Variants in L2HGDH observed in about 807,000 individuals in gnomAD.
L2HGDH encodes the protein L-2-hydroxyglutarate dehydrogenase, mitochondrial.
Under a neutral mutation model 51.5 loss-of-function variants are expected in L2HGDH, and 34 were observed. The ratio of observed to expected loss-of-function variants is 0.66; its 90% CI spans 0.50 to 0.88. L2HGDH has a LOEUF of 0.88. L2HGDH is among the 40% of genes least tolerant of loss of function. The probability of loss-of-function intolerance (pLI) is 0.00; values close to 1 mark genes in which losing one functional copy is unlikely to be tolerated. For synonymous variants in L2HGDH, 198 were observed against 197.9 expected (o/e 1.00, Z -0.01); for missense variants, 558 against 571.9 (o/e 0.98, Z 0.25).
intron 4 of L2HGDH, among the ~76,000 whole-genome samples, chr14:50,287,854 C>A (rs904305494): frequency 6.6e-6 from 1 of 151,748 alleles, no homozygotes; most frequent in African/African-American, 2.4e-5. Context: ...CCCAAAAACA[C>A]GCCTGGCTAT....
intron 1 of L2HGDH, chr14:50,311,410 C>G (rs1271678043): frequency 2.2e-6 from 1 of 456,084 alleles, no homozygotes; most frequent in Admixed American, 2.3e-5. Flanking sequence ...CCAAGCCTTA[C>G]AGCCTTCACA....
rs916712517 is a variant in L2HGDH at position 50,298,385 on chromosome 14, A to G, written c.408+3632T>C. Among the ~76,000 whole-genome samples, 5 of 151,314 alleles carry G rather than the reference A, an allele frequency of 3.3e-5. No individual in the cohort carries two copies. The East Asian group carries it at 9.9e-4, about 30-fold the overall frequency. On this transcript the variant is annotated intron_variant, in intron 3 of 9. Coordinates refer to ENST00000267436, the MANE Select transcript of L2HGDH (RefSeq NM_024884.3). ...GGCTGGAGTGCAATGGCGCGATCTCAGCTCACTACAACCTCTGCCTCCCAG... is the reference window on the plus strand; with the variant it reads ...GGCTGGAGTGCAATGGCGCGATCTCGGCTCACTACAACCTCTGCCTCCCAG...
chr14:50,288,629 C>T (rs995409447), intron 4 of L2HGDH, among the ~76,000 whole-genome samples: 1 of 152,186 alleles, frequency 6.6e-6, no homozygotes, highest in African/African-American at 2.4e-5. Context: ...TGGGGTTTCA[C>T]CATATTGGTC....
At chr14:50,263,708 G>C (rs1889174967) in intron 9 of L2HGDH, among the ~76,000 whole-genome samples, 1 of 151,572 alleles carries the variant, frequency 6.6e-6, no homozygotes, top group Non-Finnish European at 1.5e-5. Flanking sequence ...TTACCAAAGA[G>C]GGGAAAAAAA....
intron 6 of L2HGDH, among the ~76,000 whole-genome samples, chr14:50,273,550 A>T (rs575139299): frequency 6.6e-6 from 1 of 150,486 alleles, no homozygotes; most frequent in Non-Finnish European, 1.5e-5. Flanking sequence ...GGTCTCAGCA[A>T]TTTTTTTTTT....
intron 9 of L2HGDH, among the ~76,000 whole-genome samples, chr14:50,251,356 A>C (rs975172511): frequency 1.3e-5 from 2 of 152,140 alleles, no homozygotes; most frequent in African/African-American, 2.4e-5. Context: ...AAAACAATGA[A>C]GCATGCCCAC....
chr14:50,287,475 C>G (rs1890622606), intron 4 of L2HGDH: 1 of 182,172 alleles, frequency 5.5e-6, no homozygotes, highest in Non-Finnish European at 1.0e-5. Flanking sequence ...CTCAGATGTA[C>G]TTTTTTTTTT....
chr14:50,283,562 C>A (rs936848205), intron 5 of L2HGDH, among the ~76,000 whole-genome samples: 2 of 152,038 alleles, frequency 1.3e-5, no homozygotes, highest in African/African-American at 4.8e-5. Flanking sequence ...TCCAGGAACC[C>A]CACAAATACC....
intron 3 of L2HGDH, among the ~76,000 whole-genome samples, chr14:50,295,884 G>T (rs1245099303): frequency 1.3e-5 from 2 of 151,214 alleles, no homozygotes; most frequent in Non-Finnish European, 2.9e-5. Context: ...GATTACAGAC[G>T]CCTGCCACCA....
chr14:50,267,325 G>A (rs1889401107), intron 8 of L2HGDH, among the ~76,000 whole-genome samples: 2 of 152,026 alleles, frequency 1.3e-5, no homozygotes, highest in Non-Finnish European at 2.9e-5. Context: ...TGGGACTACA[G>A]GTGCCAGCCA....
chr14:50,255,426 C>T (rs1392113871), intron 9 of L2HGDH, among the ~76,000 whole-genome samples: 2 of 151,372 alleles, frequency 1.3e-5, no homozygotes, highest in African/African-American at 4.9e-5. Flanking sequence ...ATCCCAGCTA[C>T]TCGGGAGGCT....
intron 4 of L2HGDH, among the ~76,000 whole-genome samples, chr14:50,290,974 C>A (rs533582726): frequency 1.3e-5 from 2 of 151,908 alleles, no homozygotes; most frequent in South Asian, 2.1e-4. Context: ...CCGAGGTGGG[C>A]GGATCACAAG....
chr14:50,256,254 C>G (rs181078893), intron 9 of L2HGDH, among the ~76,000 whole-genome samples: 10 of 152,172 alleles, frequency 6.6e-5, no homozygotes, highest in Admixed American at 2.0e-4. Context: ...GTGGCTCATG[C>G]CTATAATCCC....
chr14:50,265,653 C>A (rs1889293538), intron 8 of L2HGDH, among the ~76,000 whole-genome samples, 164 bp from the exon 9 acceptor site: 1 of 152,178 alleles, frequency 6.6e-6, no homozygotes, highest in Admixed American at 6.5e-5. Flanking sequence ...GTGGCTCACG[C>A]CTGTAATCCC....
Position 50,301,640 on chromosome 14 carries a change from A to G in L2HGDH, c.408+377T>C, listed in dbSNP as rs184301976. On this transcript the variant is annotated intron_variant, in intron 3 of 9. Transcript: ENST00000267436. ...AGGCAAATCCACAAAGACAGAAAGT[A>G]TACTAGTGGTTGCTAGGGCATCGGG... is the stretch of plus-strand genomic sequence containing the variant. Among the ~76,000 whole-genome samples the G allele has an allele frequency of 2.6e-5, 4 of 152,364 alleles. No individual in the cohort carries two copies. In the East Asian group the frequency reaches 7.7e-4, roughly 29 times the overall value.
At chr14:50,297,498 A>G (rs2030129490) in intron 3 of L2HGDH, among the ~76,000 whole-genome samples, 1 of 152,198 alleles carries the variant, frequency 6.6e-6, no homozygotes, top group African/African-American at 2.4e-5. Flanking sequence ...AAAAAATGAA[A>G]GTAGGAAAAC....
At chr14:50,249,194 G>A (rs1243014936) in intron 9 of L2HGDH, among the ~76,000 whole-genome samples, 1 of 152,208 alleles carries the variant, frequency 6.6e-6, no homozygotes, top group East Asian at 1.9e-4. Flanking sequence ...ACCGTGGGCT[G>A]AAAAGCTCTG....
intron 9 of L2HGDH, 43 bp downstream of exon 9, chr14:50,265,315 A>G (rs1327829046): frequency 6.4e-7 from 1 of 1,561,238 alleles, no homozygotes. Context: ...TCAAGTTCAC[A>G]TAGGTCAGGA....
intron 1 of L2HGDH, among the ~76,000 whole-genome samples, chr14:50,307,755 T>C (rs1481819424): frequency 6.6e-6 from 1 of 152,194 alleles, no homozygotes; most frequent in African/African-American, 2.4e-5. Flanking sequence ...CATTATTTCA[T>C]CTGTAAATAT....
Sources: allele counts gnomAD v4.1 joint callset (sites outside exome capture counted in the v4.1 genomes callset), GRCh38; gene constraint gnomAD v4.1.1; transcripts MANE v1.5; gene names NCBI Gene and HGNC (gene_info 2026-07-23, HGNC 2026-07-21).